HYAL1: variants seen among roughly 807,000 people sequenced by gnomAD.
HYAL1 encodes the protein hyaluronidase 1.
HYAL1 carries 21 observed loss-of-function variants against 28.8 expected under a neutral mutation model. The ratio of observed to expected loss-of-function variants is 0.73; its 90% confidence interval spans 0.52 to 1.05. The LOEUF (loss-of-function observed/expected upper bound fraction) is 1.05. HYAL1 is among the 50% of genes least tolerant of loss of function. HYAL1 has a pLI of 0.00. For synonymous variants in HYAL1, 200 were observed against 230.1 expected, an observed-to-expected ratio of 0.87 and a Z score of 1.18; for missense variants, 491 against 579.2, an observed-to-expected ratio of 0.85 and a Z score of 1.56.
At chr3:50,306,910 A>C (rs953582096), upstream of HYAL1, among the ~76,000 whole-genome samples, 3 of 145,604 alleles carry the variant, frequency 2.1e-5, no homozygotes, top group East Asian at 4.0e-4. Flanking sequence ...ACAACAACAA[A>C]AACACAAAAA....
upstream of HYAL1, among the ~76,000 whole-genome samples, chr3:50,308,434 C>T (rs116129976): frequency 5.9e-3 from 883 of 148,858 alleles, 35 homozygotes; most frequent in African/African-American, 0.021. Context: ...GCCACGTTGT[C>T]GTATTATATA....
upstream of HYAL1, among the ~76,000 whole-genome samples, chr3:50,307,403 G>A (rs587712650): frequency 1.1e-4 from 16 of 149,700 alleles, no homozygotes; most frequent in African/African-American, 3.0e-4. Flanking sequence ...AAATAGGGCC[G>A]GACGCAGTGG....
At chr3:50,307,681 A>G (rs1553714161), upstream of HYAL1, among the ~76,000 whole-genome samples, 3 of 100,370 alleles carry the variant, frequency 3.0e-5, no homozygotes, top group East Asian at 2.7e-4. Flanking sequence ...ACTCCATCTG[A>G]AAAAAAAAAA....
upstream of HYAL1, among the ~76,000 whole-genome samples, chr3:50,305,163 G>C (rs1702310080): frequency 6.6e-6 from 1 of 152,164 alleles, no homozygotes; most frequent in Non-Finnish European, 1.5e-5. Context: ...TCACCTGCCT[G>C]TGACCTGGAA....
At chr3:50,303,055 A>T in intron 1 of HYAL1, 75 bp from the exon 2 acceptor site, 1 of 1,185,156 alleles carries the variant, frequency 8.4e-7, no homozygotes, top group Non-Finnish European at 1.2e-6. Context: ...TGGGGGGCTG[A>T]GCCCTTGCGC....
rs587662140 is a variant in HYAL1, at chr3:50,310,843, A to G, written c.-309-1066T>C. On this transcript the variant is annotated intron_variant, in intron 1 of 5. Transcript: ENST00000320295. ...CCTTCAAGCGTCTGTTTAACAAAGC[A>G]CATCTTGCACCGCCCTTAATCCATT... Among the ~76,000 whole-genome samples the G allele has an allele frequency of 2.7e-4, 41 of 150,940 alleles. 1 individual carries two copies. The South Asian group carries it at 7.3e-3, about 27-fold the overall frequency.
chr3:50,304,055 C>T (rs1702276063), upstream of HYAL1: 1 of 151,766 alleles, frequency 6.6e-6, no homozygotes, highest in Admixed American at 6.6e-5. Flanking sequence ...ATCACGAGGT[C>T]AGGAGATCGA....
At position 50,302,802 on chromosome 3, in the gene HYAL1, T is replaced by C. The variant is rs373151677; in HGVS notation, c.155A>G (p.Asp52Gly). ...GGCTACCACATCGAAGACACTGACATCCACGTCCACACCGTGCCTCTCCAG... is the reference window on the plus strand; with the variant it reads ...GGCTACCACATCGAAGACACTGACACCCACGTCCACACCGTGCCTCTCCAG... Reference protein sequence around the residue: ...WCLERHGVDVDVSVFDVVANP... With the variant: ...WCLERHGVDVGVSVFDVVANP... The change falls in exon 2 of 4, where the codon GAT becomes GGT. Residue 52 changes from aspartate to glycine, a missense_variant. Physicochemically the swap from Asp to Gly is moderately conservative, Grantham distance 94 (BLOSUM62 -1). Coordinates refer to ENST00000395144, the MANE Select transcript of HYAL1 (RefSeq NM_033159.4). This position sits in a 1 kb window ranked among gnomAD's most constrained non-coding sequence, Gnocchi z 5.0. 335 of 1,613,900 alleles carry C rather than the reference T, an allele frequency of 2.1e-4. No homozygotes were observed. The highest frequency in any genetic ancestry group is 2.7e-4 in the Non-Finnish European group (315 of 1,180,026).
chr3:50,310,807 C>G (rs868929686), intron 1 of HYAL1, among the ~76,000 whole-genome samples: 22 of 150,332 alleles, frequency 1.5e-4, no homozygotes, highest in Non-Finnish European at 3.0e-4. Context: ...TGACTCTTAA[C>G]GAGCATGCTG....
intron 2 of HYAL1, 107 bp downstream of exon 2, chr3:50,301,950 C>G: frequency 9.9e-7 from 1 of 1,007,192 alleles, no homozygotes; most frequent in Non-Finnish European, 1.5e-6. Context: ...GACTCTGTCT[C>G]AAAAAAAAAA....
Position 50,302,218 on chromosome 3 carries a change from A to G in HYAL1, c.739T>C (p.Tyr247His). 1.2e-6 allele frequency: 2 copies of G among 1,614,048 alleles called. No individual in the cohort carries two copies. The highest frequency in any genetic ancestry group is 1.7e-6 in the Non-Finnish European group (2 of 1,180,026). Residue 247 changes from tyrosine to histidine, a missense_variant, in exon 2 of 4, where the codon TAC becomes CAC. By Grantham distance (83) the Tyr-to-His change is moderately conservative. Coordinates refer to ENST00000395144, the MANE Select transcript of HYAL1 (RefSeq NM_033159.4). The surrounding 1 kb of genome is among the most constrained non-coding windows in gnomAD (Gnocchi z 5.0). The stretch of plus-strand genomic sequence containing the variant: ...GTGCCCTCCAGCACTGCGGGCATGT[A>G]GATGCTGGGATAGAGGGCACGGCTC... ...GQSRALYPSI[Y>H]MPAVLEGTGK...
At position 50,301,003 on chromosome 3, in the gene HYAL1, T is replaced by C; in HGVS notation, c.975A>G (p.Glu325=). 2 of 1,477,116 alleles carry C rather than the reference T, an allele frequency of 1.4e-6. No homozygotes were observed. Among genetic ancestry groups the C allele is most frequent in the Non-Finnish European group, 1.8e-6 (2 of 1,096,692 alleles). The allele number at this position is 1,477,116 out of a possible 1,614,324, so 91.5% of individuals were successfully genotyped here. A position where few individuals can be genotyped will look rare whatever the true frequency, so the allele number is the denominator to read the frequency against. ...AAGVVLWVSW[E]NTRTKESCQA... is the part of the protein sequence containing the mutation. ...CTAAGCTCACCTTGGTTCTTGTATT[T>C]TCCCAGCTCACCCAGAGCACCACTC... The change falls in exon 3 of 4, where the codon GAA becomes GAG. Residue 325 remains glutamate, a synonymous_variant. Transcript: ENST00000395144.
chr3:50,307,996 C>G (rs1266730647), upstream of HYAL1, among the ~76,000 whole-genome samples: 1 of 150,770 alleles, frequency 6.6e-6, no homozygotes, highest in Non-Finnish European at 1.5e-5. Context: ...AGGGTTTCAC[C>G]ATGTTAGCCA....
rs782259830 is a variant in HYAL1, at chr3:50,300,694, T to C, written c.1097A>G (p.His366Arg). The C allele has an allele frequency of 3.7e-6, 6 of 1,613,956 alleles. No homozygotes were observed. In the South Asian group the frequency reaches 6.6e-5, roughly 18 times the overall value. Residue 366 changes from histidine to arginine, a missense_variant, in exon 4 of 4, where the codon CAT becomes CGT. Physicochemically the swap from His to Arg is conservative, Grantham distance 29 (BLOSUM62 0). Coordinates refer to ENST00000395144, the MANE Select transcript of HYAL1 (RefSeq NM_033159.4). ...LLCSQALCSG[H>R]GRCVRRTSHP... Reference sequence around the variant, plus strand: ...GCTGGTGCGGCGGACACAGCGGCCATGGCCGGAGCACAGGGCTTGACTGCA... The same window carrying C: ...GCTGGTGCGGCGGACACAGCGGCCACGGCCGGAGCACAGGGCTTGACTGCA...
intron 1 of HYAL1, among the ~76,000 whole-genome samples, chr3:50,311,152 GCTC>G (rs1702440369): frequency 6.6e-6 from 1 of 151,592 alleles, no homozygotes; most frequent in Non-Finnish European, 1.5e-5. Context: ...GGGCAGAGGG[GCTC>G]CTCACTTCCC....
In HYAL1 at chr3:50,302,138, AGCCACACGGAATGCCTCG is replaced by A. The variant is rs782447885; in HGVS notation, c.801_818del (p.Glu268_Ala273del). ...GCAGATTGGGGTCACCAGCAGCCAC[AGCCACACGGAATGCCTCG>A]GCCACACGGTGTTGCACATACATCT... On this transcript the variant is annotated inframe_deletion, in exon 2 of 4. Coordinates refer to ENST00000395144, the MANE Select transcript of HYAL1 (RefSeq NM_033159.4). The surrounding 1 kb of genome is among the most constrained non-coding windows in gnomAD (Gnocchi z 5.0). The A allele has an allele frequency of 6.2e-7, 1 of 1,614,224 alleles. No homozygotes were observed. Among genetic ancestry groups the A allele is most frequent in the Non-Finnish European group, 8.5e-7 (1 of 1,180,034 alleles).
rs781796869 is a variant in HYAL1, at chr3:50,302,231, G to C, written c.726C>G (p.Leu242=). The change falls in exon 2 of 4, where the codon CTC becomes CTG. Residue 242 remains leucine, a synonymous_variant. Coordinates refer to ENST00000395144, the MANE Select transcript of HYAL1 (RefSeq NM_033159.4). The surrounding 1 kb of genome is among the most constrained non-coding windows in gnomAD (Gnocchi z 5.0). ...LGWLWGQSRA[L]YPSIYMPAVL... Reference sequence around the variant, plus strand: ...CTGCGGGCATGTAGATGCTGGGATAGAGGGCACGGCTCTGGCCCCACAGCC... The same window carrying C: ...CTGCGGGCATGTAGATGCTGGGATACAGGGCACGGCTCTGGCCCCACAGCC... The C allele has an allele frequency of 2.0e-5, 32 of 1,613,970 alleles. No individual in the cohort carries two copies. Among genetic ancestry groups the C allele is most frequent in the Non-Finnish European group, 2.7e-5 (32 of 1,180,046 alleles).
At chr3:50,310,561 C>G (rs587635981) in intron 1 of HYAL1, among the ~76,000 whole-genome samples, 6 of 150,988 alleles carry the variant, frequency 4.0e-5, no homozygotes, top group East Asian at 1.9e-4. Context: ...CCACTGCAAT[C>G]GGCCACTGTG....
At chr3:50,309,162 G>A (rs1702397515) in intron 2 of HYAL1, among the ~76,000 whole-genome samples, 1 of 151,160 alleles carries the variant, frequency 6.6e-6, no homozygotes, top group Non-Finnish European at 1.5e-5. Flanking sequence ...ATTTGCATAA[G>A]TGCCATAAGA....
Sources: allele counts gnomAD v4.1 joint callset (sites outside exome capture counted in the v4.1 genomes callset), GRCh38; gene constraint gnomAD v4.1.1; non-coding constraint Gnocchi (gnomAD v3.1); transcripts MANE v1.5; gene names NCBI Gene and HGNC (gene_info 2026-07-23, HGNC 2026-07-21).